Variants in CDH2 observed in about 807,000 individuals in gnomAD.
The protein encoded by CDH2 is cadherin-2.
Under a neutral mutation model 92.0 loss-of-function variants are expected in CDH2, and 17 were observed. That is an observed-to-expected ratio of 0.18 (90% CI 0.13 to 0.28). CDH2 has a LOEUF of 0.28. CDH2 is among the 10% of genes least tolerant of loss of function. The pLI, the probability that CDH2 is intolerant of heterozygous loss-of-function variation, is 1.00. For missense variants in CDH2, 862 were observed against 1,133.1 expected (o/e 0.76, Z 3.44); for synonymous variants, 419 against 415.9 (o/e 1.01, Z -0.09).
chr18:27,950,050 A>G (rs1355290796), downstream of CDH2, among the ~76,000 whole-genome samples: 1 of 152,076 alleles, frequency 6.6e-6, no homozygotes, highest in Non-Finnish European at 1.5e-5. Flanking sequence ...AATCAATTTT[A>G]GAAAAGACTA....
At chr18:27,954,058 GTACTTTAC>G (rs1909594080) in intron 15 of CDH2, among the ~76,000 whole-genome samples, 1 of 152,058 alleles carries the variant, frequency 6.6e-6, no homozygotes, top group Admixed American at 6.6e-5. Context: ...AAATTTAGCA[GTACTTTAC>G]TACTTTTCGT....
At chr18:28,160,765 A>T (rs1238607518) in intron 1 of CDH2, among the ~76,000 whole-genome samples, 1 of 152,194 alleles carries the variant, frequency 6.6e-6, no homozygotes, top group Non-Finnish European at 1.5e-5. Context: ...AAAGTCTCAA[A>T]GGGAAAGCAG....
At chr18:28,007,679 C>T (rs7238774) in intron 5 of CDH2, among the ~76,000 whole-genome samples, 6,581 of 152,038 alleles carry the variant, frequency 0.043, 164 homozygotes, top group South Asian at 0.07. Context: ...AACCTTAATA[C>T]TTTCAATTTT....
intron 2 of CDH2, among the ~76,000 whole-genome samples, chr18:28,119,529 T>A (rs1319548039): frequency 6.6e-6 from 1 of 152,250 alleles, no homozygotes; most frequent in Middle Eastern, 3.4e-3. Flanking sequence ...ATGCATAATT[T>A]ATAAAGCATT....
chr18:28,036,549 G>T (rs1411174496), intron 2 of CDH2: 4 of 1,598,544 alleles, frequency 2.5e-6, no homozygotes, highest in Non-Finnish European at 3.4e-6. Context: ...ATAAAAACAT[G>T]CCATCAAGTT....
At chr18:28,146,103 C>T (rs961684379) in intron 2 of CDH2, 4 of 152,010 alleles carry the variant, frequency 2.6e-5, no homozygotes, top group African/African-American at 9.7e-5. Flanking sequence ...ATTCAACGCG[C>T]CAAAGTAATT....
intron 1 of CDH2, among the ~76,000 whole-genome samples, chr18:28,149,823 A>G (rs908296764): frequency 5.3e-5 from 8 of 152,244 alleles, no homozygotes; most frequent in South Asian, 2.1e-4. Flanking sequence ...AAAGATCCGC[A>G]TAGACACACA....
chr18:28,048,963 TATTTGCTGCACTCCAG>T (rs2014135972), intron 2 of CDH2, among the ~76,000 whole-genome samples: 1 of 152,176 alleles, frequency 6.6e-6, no homozygotes, highest in Non-Finnish European at 1.5e-5. Flanking sequence ...CTTGTGGGTC[TATTTGCTGCACTCCAG>T]CATGAACCTA....
chr18:28,005,823 C>T, intron 6 of CDH2, 26 bp downstream of exon 6: 1 of 1,578,846 alleles, frequency 6.3e-7, no homozygotes, highest in Non-Finnish European at 8.6e-7. Context: ...CTCAAGTCAT[C>T]TTCAAATTAT....
intron 2 of CDH2, among the ~76,000 whole-genome samples, chr18:28,066,175 A>G (rs2014502959): frequency 6.6e-6 from 1 of 152,222 alleles, no homozygotes; most frequent in Non-Finnish European, 1.5e-5. Flanking sequence ...AATGGACTGA[A>G]CTAAACAATA....
intron 2 of CDH2, among the ~76,000 whole-genome samples, chr18:28,147,472 G>C (rs2016053110): frequency 6.6e-6 from 1 of 152,204 alleles, no homozygotes; most frequent in African/African-American, 2.4e-5. Context: ...GATTTCAAGA[G>C]ATCAGGAGCC....
intron 2 of CDH2, among the ~76,000 whole-genome samples, chr18:28,056,394 G>A (rs896365724): frequency 6.6e-6 from 1 of 152,030 alleles, no homozygotes; most frequent in African/African-American, 2.4e-5. Context: ...ATGGTAAAAG[G>A]CTTTTATCTT....
At chr18:28,087,949 T>G (rs2014966171) in intron 2 of CDH2, among the ~76,000 whole-genome samples, 1 of 152,100 alleles carries the variant, frequency 6.6e-6, no homozygotes, top group African/African-American at 2.4e-5. Flanking sequence ...CGCCTCATTT[T>G]TTTCCTCCCC....
intron 1 of CDH2, among the ~76,000 whole-genome samples, chr18:28,153,558 G>C (rs2016159490): frequency 6.6e-6 from 1 of 152,152 alleles, no homozygotes; most frequent in Non-Finnish European, 1.5e-5. Context: ...CAACCCCCCG[G>C]GGCCCTAAGC....
chr18:27,962,670 T>G (rs1567938921), intron 15 of CDH2, among the ~76,000 whole-genome samples: 1 of 152,188 alleles, frequency 6.6e-6, no homozygotes, highest in African/African-American at 2.4e-5. Flanking sequence ...AGAATTACAG[T>G]AAGACTACAG....
intron 2 of CDH2, among the ~76,000 whole-genome samples, chr18:28,117,632 T>C (rs1034788716): frequency 2.0e-5 from 3 of 152,144 alleles, no homozygotes; most frequent in African/African-American, 7.2e-5. Flanking sequence ...AAATCCCACT[T>C]TGCAGAAGGT....
chr18:28,107,826 C>T (rs1035855806), intron 2 of CDH2, among the ~76,000 whole-genome samples: 2 of 152,012 alleles, frequency 1.3e-5, no homozygotes, highest in African/African-American at 4.8e-5. Context: ...CAATTATCAC[C>T]TTCTAGCCCC....
rs201838069 is a variant in CDH2 at position 27,990,158 on chromosome 18, C to T, written c.1537G>A (p.Gly513Ser). ...GCAGTGAATGTTGTCAACATGGTAC[C>T]GGCATGAAGCCCTTCTTCTTGGCGA... Reference protein sequence around the residue: ...IIRQEEGLHAGTMLTTFTAQD... With the variant: ...IIRQEEGLHASTMLTTFTAQD... The change falls in exon 10 of 16, where the codon GGT becomes AGT. Residue 513 changes from glycine to serine, a missense_variant. Physicochemically the swap from Gly to Ser is moderately conservative, Grantham distance 56. Around this residue, in one of 5 missense-constraint regions of CDH2, gnomAD observed 564 missense variants for 722.2 expected, o/e 0.78. Coordinates refer to ENST00000269141, the MANE Select transcript of CDH2 (RefSeq NM_001792.5). 1.0e-4 allele frequency: 168 copies of T among 1,613,850 alleles called. 1 individual carries two copies. Among genetic ancestry groups the T allele is most frequent in the East Asian group, 9.4e-4 (42 of 44,866 alleles).
intron 2 of CDH2, among the ~76,000 whole-genome samples, chr18:28,053,867 T>A (rs1334637310): frequency 3.3e-5 from 5 of 152,184 alleles, no homozygotes; most frequent in Admixed American, 2.0e-4. Context: ...CCACTGAATC[T>A]TTTTTGAAGT....
Sources: gnomAD v4.1 joint callset for allele counts (sites outside exome capture counted in the v4.1 genomes callset) on GRCh38, gnomAD v4.1.1 for gene constraint, gnomAD v4.1.1 regional missense constraint, MANE v1.5 for transcripts, NCBI Gene and HGNC (gene_info 2026-07-23, HGNC 2026-07-21) for gene names.